Variants in SLC44A5 observed in about 807,000 individuals in gnomAD.
The protein encoded by SLC44A5 is choline transporter-like protein 5.
In SLC44A5, 57 loss-of-function variants were observed where a neutral mutation model predicts 101.8. The observed-to-expected ratio is 0.56, with a 90% CI of 0.45 to 0.70. The LOEUF (loss-of-function observed/expected upper bound fraction) is 0.70, where lower values mean the gene tolerates loss of function less well. Ranked by LOEUF, SLC44A5 falls within the 30% of genes least tolerant of loss-of-function variation. The probability of loss-of-function intolerance (pLI) is 0.00; values close to 1 mark genes in which losing one functional copy is unlikely to be tolerated. For synonymous variants in SLC44A5, 281 were observed against 290.9 expected (o/e 0.97, Z 0.35); for missense variants, 737 against 853.1 (o/e 0.86, Z 1.70).
the SLC44A5 span, among the ~76,000 whole-genome samples, chr1:75,620,015 A>G: frequency 8.6e-5 from 13 of 152,002 alleles, no homozygotes; most frequent in African/African-American, 1.2e-4. Flanking sequence ...CCAGTGTGTG[A>G]TGTTCCTCTC....
intron 1 of SLC44A5, among the ~76,000 whole-genome samples, chr1:75,581,739 C>T (rs901813536): frequency 2.0e-5 from 3 of 152,138 alleles, no homozygotes; most frequent in Non-Finnish European, 4.4e-5. Flanking sequence ...GCTGTCATCA[C>T]AGAAATCAGT....
chr1:75,311,204 T>A (rs1328970743), intron 4 of SLC44A5, among the ~76,000 whole-genome samples: 3 of 151,870 alleles, frequency 2.0e-5, no homozygotes, highest in Non-Finnish European at 4.4e-5. Flanking sequence ...GCAACCTCCG[T>A]TTCCCAGGTT....
intron 2 of SLC44A5, among the ~76,000 whole-genome samples, chr1:75,441,997 T>A: frequency 6.6e-6 from 1 of 152,146 alleles, no homozygotes; most frequent in East Asian, 1.9e-4. Flanking sequence ...ATTCTTCTTT[T>A]ATAAGAATGA....
At chr1:75,397,099 A>C (rs1375385996) in intron 2 of SLC44A5, among the ~76,000 whole-genome samples, 3 of 152,198 alleles carry the variant, frequency 2.0e-5, no homozygotes, top group Non-Finnish European at 4.4e-5. Flanking sequence ...ATATATTTTG[A>C]ATTCAGCAGT....
intron 5 of SLC44A5, among the ~76,000 whole-genome samples, chr1:75,283,025 A>G (rs1165737846): frequency 6.6e-6 from 1 of 152,196 alleles, no homozygotes; most frequent in Non-Finnish European, 1.5e-5. Context: ...GATACCCAGT[A>G]GAGGGACTGC....
chr1:75,582,842 C>T (rs1673776596), intron 1 of SLC44A5, among the ~76,000 whole-genome samples: 2 of 152,162 alleles, frequency 1.3e-5, no homozygotes, highest in South Asian at 2.1e-4. Flanking sequence ...CTTTTCTCTA[C>T]AATTTATCTG....
At chr1:75,280,631 CT>C (rs1193476463) in intron 5 of SLC44A5, among the ~76,000 whole-genome samples, 2 of 150,088 alleles carry the variant, frequency 1.3e-5, no homozygotes, top group Admixed American at 1.4e-4. Context: ...AATTATAATC[CT>C]CACGTGTTGG....
chr1:75,230,496 G>C (rs11162849), intron 12 of SLC44A5, among the ~76,000 whole-genome samples: 42,434 of 151,982 alleles, frequency 0.28, 6,177 homozygotes, highest in Middle Eastern at 0.36. Context: ...CGATCCACCT[G>C]CCTTAGCTTC....
chr1:75,549,540 G>GTC (rs373271980), intron 1 of SLC44A5, among the ~76,000 whole-genome samples: 79 of 152,190 alleles, frequency 5.2e-4, no homozygotes, highest in African/African-American at 1.9e-3. Context: ...TTTATGGAGT[G>GTC]TCTCTTGTAT....
Position 75,445,827 on chromosome 1 carries a change from G to A in SLC44A5, c.14-49206C>T, listed in dbSNP as rs139836707. ...CTAAAAAGCACCTCAAGTTCAACAT[G>A]TCCAAAACAAACTTTTTATTTTTCT... On this transcript the variant is annotated intron_variant, in intron 2 of 23. Transcript: ENST00000370859. Among the ~76,000 whole-genome samples, 34 of 152,162 alleles carry A rather than the reference G, an allele frequency of 2.2e-4. No individual in the cohort carries two copies. The East Asian group carries it at 5.0e-3, about 23-fold the overall frequency.
At chr1:75,684,143 C>G in the SLC44A5 span, among the ~76,000 whole-genome samples, 1 of 152,078 alleles carries the variant, frequency 6.6e-6, no homozygotes, top group African/African-American at 2.4e-5. Flanking sequence ...ATAAAACCAT[C>G]AGATCTCCTG....
intron 3 of SLC44A5, among the ~76,000 whole-genome samples, chr1:75,361,515 C>T (rs1659486354): frequency 6.6e-6 from 1 of 152,046 alleles, no homozygotes; most frequent in Admixed American, 6.6e-5. Flanking sequence ...TGTTGAGGCA[C>T]ATTTCCTCTA....
intron 1 of SLC44A5, among the ~76,000 whole-genome samples, chr1:75,602,981 GT>G (rs1474492165): frequency 1.3e-5 from 2 of 151,962 alleles, no homozygotes; most frequent in Non-Finnish European, 2.9e-5. Flanking sequence ...GGGTTTGAGA[GT>G]TTTTCAACAT....
intron 7 of SLC44A5, 125 bp from the exon 8 acceptor site, chr1:75,243,136 C>T: frequency 8.5e-7 from 1 of 1,171,468 alleles, no homozygotes. Context: ...TCTAAGAAAC[C>T]TAAATCAATT....
chr1:75,495,812 GT>G (rs1392894635), intron 2 of SLC44A5, among the ~76,000 whole-genome samples: 1 of 152,072 alleles, frequency 6.6e-6, no homozygotes, highest in Non-Finnish European at 1.5e-5. Flanking sequence ...AAAATTTTTA[GT>G]TTTTGTGGGT....
chr1:75,716,007 A>G, the SLC44A5 span, among the ~76,000 whole-genome samples: 2 of 152,248 alleles, frequency 1.3e-5, no homozygotes, highest in South Asian at 4.1e-4. Context: ...AAAAGACATG[A>G]ACAGATACTT....
chr1:75,240,918 GTTAT>G (rs1458306647), intron 9 of SLC44A5, among the ~76,000 whole-genome samples: 2 of 151,748 alleles, frequency 1.3e-5, no homozygotes, highest in African/African-American at 2.4e-5. Context: ...TTTTCTTGTG[GTTAT>G]TTATTTGTTT....
At chr1:75,343,468 T>C (rs1044003917) in intron 3 of SLC44A5, among the ~76,000 whole-genome samples, 6 of 152,196 alleles carry the variant, frequency 3.9e-5, no homozygotes, top group Non-Finnish European at 7.3e-5. Flanking sequence ...AAAGACTCTT[T>C]TCTTTAAAAG....
chr1:75,648,080 C>T, the SLC44A5 span, among the ~76,000 whole-genome samples: 1 of 152,156 alleles, frequency 6.6e-6, no homozygotes, highest in African/African-American at 2.4e-5. Flanking sequence ...AAATTATAAT[C>T]CCCATTTGTT....
Sources: gnomAD v4.1 joint callset for allele counts (sites outside exome capture counted in the v4.1 genomes callset) on GRCh38, gnomAD v4.1.1 for gene constraint, MANE v1.5 for transcripts, NCBI Gene and HGNC (gene_info 2026-07-23, HGNC 2026-07-21) for gene names.